KIAA0825: variants seen among roughly 807,000 people sequenced by gnomAD.
KIAA0825 encodes uncharacterized protein KIAA0825.
Under a neutral mutation model 147.6 loss-of-function variants are expected in KIAA0825, and 119 were observed. The observed-to-expected ratio is 0.81, with a 90% CI of 0.69 to 0.94. The LOEUF is 0.94. Ranked by LOEUF, KIAA0825 falls within the 40% of genes least tolerant of loss-of-function variation. The pLI, the probability that KIAA0825 is intolerant of heterozygous loss-of-function variation, is 0.00. For synonymous variants in KIAA0825, 470 were observed against 518.1 expected, an observed-to-expected ratio of 0.91 and a Z score of 1.26; for missense variants, 1,381 against 1,472.7, an observed-to-expected ratio of 0.94 and a Z score of 1.02.
chr5:94,391,969 A>G (rs1749959758), intron 17 of KIAA0825, among the ~76,000 whole-genome samples: 2 of 152,208 alleles, frequency 1.3e-5, no homozygotes, highest in African/African-American at 4.8e-5. Context: ...TTTTCCCATT[A>G]CTGCAATTGT....
chr5:94,384,616 GT>G (rs1441050622), intron 19 of KIAA0825, among the ~76,000 whole-genome samples, 158 bp from the exon 20 acceptor site: 3 of 152,050 alleles, frequency 2.0e-5, no homozygotes, highest in Non-Finnish European at 2.9e-5. Context: ...ACAGAAGAAG[GT>G]TTTTATTCCA....
chr5:94,282,980 T>C (rs932159191), intron 20 of KIAA0825, among the ~76,000 whole-genome samples: 12 of 151,910 alleles, frequency 7.9e-5, no homozygotes, highest in Non-Finnish European at 1.5e-4. Flanking sequence ...AAATAGAAGA[T>C]AGGGAAGCCA....
At chr5:94,445,949 A>G (rs930326111) in intron 13 of KIAA0825, among the ~76,000 whole-genome samples, 1 of 152,144 alleles carries the variant, frequency 6.6e-6, no homozygotes, top group African/African-American at 2.4e-5. Flanking sequence ...ATCAGAGCAC[A>G]AGATCGCTAA....
intron 20 of KIAA0825, among the ~76,000 whole-genome samples, chr5:94,178,730 C>T (rs1167273946): frequency 6.6e-6 from 1 of 151,976 alleles, no homozygotes; most frequent in Non-Finnish European, 1.5e-5. Context: ...ATAGTGTAGC[C>T]ACTTTTGGAC....
intron 16 of KIAA0825, 55 bp from the exon 17 acceptor site, chr5:94,396,564 C>A: frequency 1.4e-6 from 2 of 1,390,616 alleles, no homozygotes; most frequent in Non-Finnish European, 9.6e-7. Flanking sequence ...TCAATCACTG[C>A]ATGGTTTTGT....
intron 5 of KIAA0825, among the ~76,000 whole-genome samples, chr5:94,490,620 A>G (rs1483634090): frequency 6.6e-6 from 1 of 151,864 alleles, no homozygotes; most frequent in Non-Finnish European, 1.5e-5. Flanking sequence ...GTGCGCACAG[A>G]TATTTACAAA....
At chr5:94,545,336 G>T (rs1774138642) in intron 2 of KIAA0825, among the ~76,000 whole-genome samples, 1 of 152,198 alleles carries the variant, frequency 6.6e-6, no homozygotes, top group Admixed American at 6.5e-5. Context: ...CTTAGAACCA[G>T]TGGATTAAGG....
At chr5:94,362,943 T>C (rs893499070) in intron 20 of KIAA0825, among the ~76,000 whole-genome samples, 1 of 152,236 alleles carries the variant, frequency 6.6e-6, no homozygotes, top group African/African-American at 2.4e-5. Context: ...TGGATTGTTC[T>C]TTATACAAAG....
intron 2 of KIAA0825, among the ~76,000 whole-genome samples, chr5:94,580,319 TC>T (rs1272940343): frequency 1.3e-5 from 2 of 152,314 alleles, no homozygotes; most frequent in East Asian, 3.9e-4. Context: ...AATTTGCCTA[TC>T]CTTTTATCTT....
intron 1 of KIAA0825, among the ~76,000 whole-genome samples, chr5:94,586,543 A>G (rs1040268678): frequency 3.3e-5 from 5 of 152,214 alleles, no homozygotes; most frequent in African/African-American, 1.2e-4. Flanking sequence ...GAAATAGGCA[A>G]TAATTAATAG....
At chr5:94,262,770 C>G (rs1776558155) in intron 20 of KIAA0825, among the ~76,000 whole-genome samples, 1 of 151,814 alleles carries the variant, frequency 6.6e-6, no homozygotes, top group African/African-American at 2.4e-5. Context: ...ACACATCTCT[C>G]ATTGATGGAA....
intron 20 of KIAA0825, among the ~76,000 whole-genome samples, chr5:94,315,899 T>C (rs1351894040): frequency 6.6e-6 from 1 of 151,768 alleles, no homozygotes; most frequent in South Asian, 2.1e-4. Context: ...CACGGTGTTA[T>C]GTGTCAGAAT....
chr5:94,594,030 A>T, intron 1 of KIAA0825: 1 of 520,228 alleles, frequency 1.9e-6, no homozygotes, highest in Non-Finnish European at 3.9e-6. Flanking sequence ...AAAGGGATGA[A>T]GTTTTTGGAA....
chr5:94,258,606 A>G (rs917132962), intron 20 of KIAA0825, among the ~76,000 whole-genome samples: 8 of 152,028 alleles, frequency 5.3e-5, no homozygotes, highest in Admixed American at 3.9e-4. Flanking sequence ...ATAGAAGTAA[A>G]TGCAATTTTA....
chr5:94,219,891 G>A (rs974899764), intron 20 of KIAA0825, among the ~76,000 whole-genome samples: 3 of 152,104 alleles, frequency 2.0e-5, no homozygotes, highest in Admixed American at 1.3e-4. Context: ...GTACACTACT[G>A]TAGAACTTAT....
chr5:94,398,429 T>G (rs1276106942), intron 16 of KIAA0825, among the ~76,000 whole-genome samples: 1 of 149,406 alleles, frequency 6.7e-6, no homozygotes, highest in Non-Finnish European at 1.5e-5. Context: ...CTCTTTGCTT[T>G]TAGACTTCTG....
intron 1 of KIAA0825, among the ~76,000 whole-genome samples, chr5:94,596,275 G>A (rs2152406835): frequency 6.6e-6 from 1 of 152,138 alleles, no homozygotes; most frequent in South Asian, 2.1e-4. Flanking sequence ...ATAAGTAAGG[G>A]GTCCATCTTC....
At chr5:94,479,244 T>G (rs545047503) in intron 6 of KIAA0825, among the ~76,000 whole-genome samples, 4 of 152,140 alleles carry the variant, frequency 2.6e-5, no homozygotes, top group Non-Finnish European at 5.9e-5. Flanking sequence ...TTGCACCACT[T>G]ACACATCCCT....
At chr5:94,184,854 A>G (rs1769986957) in intron 20 of KIAA0825, among the ~76,000 whole-genome samples, 1 of 152,208 alleles carries the variant, frequency 6.6e-6, no homozygotes, top group South Asian at 2.1e-4. Context: ...TGAAGAATCC[A>G]CAACTCAGGC....
Sources: gnomAD v4.1 joint callset for allele counts (sites outside exome capture counted in the v4.1 genomes callset) on GRCh38, gnomAD v4.1.1 for gene constraint, MANE v1.5 for transcripts, NCBI Gene and HGNC (gene_info 2026-07-23, HGNC 2026-07-21) for gene names.